Variants in TNS3 observed in about 807,000 individuals in gnomAD.
TNS3 encodes tensin-3.
TNS3 carries 45 observed loss-of-function variants against 140.9 expected under a neutral mutation model. The observed-to-expected ratio is 0.32, with a 90% CI of 0.25 to 0.41. The LOEUF (loss-of-function observed/expected upper bound fraction) is 0.41, where lower values mean the gene tolerates loss of function less well. TNS3 is among the 10% of genes least tolerant of loss of function. The pLI is 1.00. For missense variants in TNS3, 1,716 were observed against 1,906.7 expected, an observed-to-expected ratio of 0.90 and a Z score of 1.86; for synonymous variants, 815 against 788.4, an observed-to-expected ratio of 1.03 and a Z score of -0.56.
At chr7:47,451,011 G>A (rs936543482) in intron 4 of TNS3, among the ~76,000 whole-genome samples, 1 of 152,230 alleles carries the variant, frequency 6.6e-6, no homozygotes, top group Non-Finnish European at 1.5e-5. Context: ...GCAGGTGCCT[G>A]TAAACCCAGC....
At chr7:47,445,419 C>A (rs1302301298) in intron 4 of TNS3, among the ~76,000 whole-genome samples, 1 of 152,178 alleles carries the variant, frequency 6.6e-6, no homozygotes, top group African/African-American at 2.4e-5. Flanking sequence ...GTTGGAATCC[C>A]ACAGTTAAGC....
At chr7:47,470,710 A>G (rs1796914311) in intron 4 of TNS3, 1 of 958,202 alleles carries the variant, frequency 1.0e-6, no homozygotes. Flanking sequence ...CCTGCAGCCC[A>G]GGCCTCCTAG....
At chr7:47,301,693 T>C (rs1786410034) in intron 23 of TNS3, among the ~76,000 whole-genome samples, 1 of 151,088 alleles carries the variant, frequency 6.6e-6, no homozygotes, top group Non-Finnish European at 1.5e-5. Context: ...GTCTGGTTTG[T>C]GTGTGAGGCA....
At chr7:47,303,787 T>C (rs774280976) in intron 21 of TNS3, among the ~76,000 whole-genome samples, 1 of 152,208 alleles carries the variant, frequency 6.6e-6, no homozygotes, top group Non-Finnish European at 1.5e-5. Context: ...CCCCATTTCA[T>C]GCCTGGATGC....
intron 1 of TNS3, among the ~76,000 whole-genome samples, chr7:47,545,465 G>A (rs1471221314): frequency 6.6e-6 from 1 of 152,120 alleles, no homozygotes; most frequent in Admixed American, 6.5e-5. Flanking sequence ...ACTGTTTGAT[G>A]TGGACAAGGC....
At chr7:47,483,838 C>A (rs1290087187) in intron 3 of TNS3, among the ~76,000 whole-genome samples, 11 of 152,234 alleles carry the variant, frequency 7.2e-5, no homozygotes. Flanking sequence ...AGTTGGCACG[C>A]CCAATCTTGT....
chr7:47,568,527 G>T (rs1554358439), intron 1 of TNS3, among the ~76,000 whole-genome samples: 1 of 152,236 alleles, frequency 6.6e-6, no homozygotes, highest in Non-Finnish European at 1.5e-5. Context: ...TGAAAGGAAT[G>T]AGTGAGTGAA....
chr7:47,448,582 C>T (rs558020286), intron 4 of TNS3, among the ~76,000 whole-genome samples: 4 of 150,176 alleles, frequency 2.7e-5, no homozygotes, highest in Non-Finnish European at 5.9e-5. Context: ...TGGGTTCAAG[C>T]GATTGTCCTG....
intron 7 of TNS3, 95 bp from the exon 8 acceptor site, chr7:47,435,499 T>C: frequency 1.3e-6 from 2 of 1,566,292 alleles, no homozygotes; most frequent in Non-Finnish European, 8.7e-7. Flanking sequence ...TACATTTCAT[T>C]TGGGAGTAAA....
chr7:47,295,976 T>G (rs887373026), intron 24 of TNS3, among the ~76,000 whole-genome samples: 1 of 152,222 alleles, frequency 6.6e-6, no homozygotes, highest in African/African-American at 2.4e-5. Flanking sequence ...AAATCCGAGC[T>G]GCTTCTGATT....
intron 2 of TNS3, among the ~76,000 whole-genome samples, chr7:47,528,246 T>C (rs879906436): frequency 6.6e-6 from 1 of 152,142 alleles, no homozygotes; most frequent in Non-Finnish European, 1.5e-5. Context: ...CATCGTTCCA[T>C]CACAGGCACC....
intron 24 of TNS3, among the ~76,000 whole-genome samples, chr7:47,295,359 C>T (rs1785948401): frequency 6.6e-6 from 1 of 151,654 alleles, no homozygotes; most frequent in Admixed American, 6.6e-5. Context: ...CAAAACCATC[C>T]ATCATTCCTC....
intron 1 of TNS3, among the ~76,000 whole-genome samples, chr7:47,571,880 C>T (rs1033061796): frequency 6.6e-6 from 1 of 152,214 alleles, no homozygotes; most frequent in African/African-American, 2.4e-5. Context: ...TGCGTGGTGT[C>T]CCAGGGAACT....
At chr7:47,363,612 A>G (rs866458286) in intron 17 of TNS3, among the ~76,000 whole-genome samples, 3 of 152,192 alleles carry the variant, frequency 2.0e-5, no homozygotes, top group Admixed American at 6.5e-5. Context: ...CAGAATTAAG[A>G]AAGTTGTGTA....
intron 10 of TNS3, among the ~76,000 whole-genome samples, chr7:47,421,197 A>G (rs78195281): frequency 0.071 from 10,779 of 152,264 alleles, 454 homozygotes; most frequent in South Asian, 0.17. Flanking sequence ...AAAAGAAAAG[A>G]GATGTCAGAA....
At chr7:47,566,928 G>A (rs1194252174) in intron 1 of TNS3, among the ~76,000 whole-genome samples, 1 of 150,244 alleles carries the variant, frequency 6.7e-6, no homozygotes, top group Non-Finnish European at 1.5e-5. Flanking sequence ...TATAGTCCCA[G>A]CTACTGAGGC....
At chr7:47,416,683 A>C (rs758866678) in intron 10 of TNS3, among the ~76,000 whole-genome samples, 2 of 152,174 alleles carry the variant, frequency 1.3e-5, no homozygotes, top group Non-Finnish European at 2.9e-5. Context: ...CAGCTCCCAC[A>C]CGCCTCTCCT....
intron 18 of TNS3, among the ~76,000 whole-genome samples, chr7:47,345,776 T>C (rs370695440): frequency 6.6e-6 from 1 of 152,322 alleles, no homozygotes. Context: ...GAAGGCTGTG[T>C]GTGCCACTGG....
intron 20 of TNS3, among the ~76,000 whole-genome samples, chr7:47,314,374 C>T (rs1396753501): frequency 2.0e-5 from 3 of 152,294 alleles, no homozygotes; most frequent in South Asian, 2.1e-4. Context: ...AGCGAGGCAG[C>T]GGGAGCCTGG....
Sources: gnomAD v4.1 joint callset for allele counts (sites outside exome capture counted in the v4.1 genomes callset) on GRCh38, gnomAD v4.1.1 for gene constraint, MANE v1.5 for transcripts, NCBI Gene and HGNC (gene_info 2026-07-23, HGNC 2026-07-21) for gene names.